EFCAB6: variants seen among roughly 807,000 people sequenced by gnomAD.
EFCAB6 encodes the protein EF-hand calcium binding domain 6.
A neutral mutation model predicts 169.8 loss-of-function variants in EFCAB6; 156 were observed. The observed-to-expected ratio is 0.92, with a 90% CI of 0.81 to 1.05. EFCAB6 has a LOEUF of 1.05. EFCAB6 is among the 50% of genes least tolerant of loss of function. The probability of loss-of-function intolerance (pLI) is 0.00; values close to 1 mark genes in which losing one functional copy is unlikely to be tolerated. For synonymous variants in EFCAB6, 698 were observed against 676.4 expected, an observed-to-expected ratio of 1.03 and a Z score of -0.50; for missense variants, 1,800 against 1,829.1, an observed-to-expected ratio of 0.98 and a Z score of 0.29.
intron 21 of EFCAB6, among the ~76,000 whole-genome samples, chr22:43,613,207 T>C (rs1271212100): frequency 6.7e-6 from 1 of 148,328 alleles, no homozygotes; most frequent in Non-Finnish European, 1.5e-5. Context: ...ATATTTGTTA[T>C]AGAAATATAT....
chr22:43,768,428 T>C (rs181183988), intron 4 of EFCAB6, among the ~76,000 whole-genome samples: 18 of 152,336 alleles, frequency 1.2e-4, no homozygotes, highest in Middle Eastern at 3.4e-3. Flanking sequence ...TAGGCTTACA[T>C]TAACTACTAA....
intron 13 of EFCAB6, among the ~76,000 whole-genome samples, chr22:43,675,180 A>G (rs1187522976): frequency 6.8e-6 from 1 of 146,914 alleles, no homozygotes; most frequent in Non-Finnish European, 1.5e-5. Flanking sequence ...TAGTTAATAT[A>G]TAATATAGCT....
At chr22:43,699,385 G>C (rs1336768473) in intron 10 of EFCAB6, among the ~76,000 whole-genome samples, 1 of 152,098 alleles carries the variant, frequency 6.6e-6, no homozygotes, top group Non-Finnish European at 1.5e-5. Flanking sequence ...TTCAGTAACT[G>C]CTCCCTTTCT....
In EFCAB6 at chr22:43,537,186, C is replaced by A; in HGVS notation, c.4048+191G>T. 1.6e-6 allele frequency: 1 copy of A among 608,088 alleles called. No homozygotes were observed. The highest frequency in any genetic ancestry group is 2.8e-6 in the Non-Finnish European group (1 of 362,320). 37.7% of individuals were successfully genotyped at this position (608,088 alleles called of 1,614,324 possible). On this transcript the variant is annotated intron_variant, in intron 29 of 31. Coordinates refer to ENST00000262726, the MANE Select transcript of EFCAB6 (RefSeq NM_022785.4). The surrounding 1 kb of genome is among the most constrained non-coding windows in gnomAD (Gnocchi z 4.3). ...CAGATGGGCCCCCTGCTGGGAGGGC[C>A]GGGTAGTCGGAATCCTCCTCCATGG...
intron 23 of EFCAB6, among the ~76,000 whole-genome samples, chr22:43,592,611 G>T (rs2051642434): frequency 6.6e-6 from 1 of 152,296 alleles, no homozygotes; most frequent in Middle Eastern, 3.4e-3. Flanking sequence ...AACAGAAACG[G>T]TGTCAGCCGA....
intron 22 of EFCAB6, 128 bp downstream of exon 22, chr22:43,608,354 G>C: frequency 4.0e-6 from 3 of 754,374 alleles, no homozygotes; most frequent in South Asian, 1.8e-5. Context: ...AGATGAGACA[G>C]ATGCAACCAA....
chr22:43,531,599 G>C (rs892240180), intron 30 of EFCAB6, among the ~76,000 whole-genome samples: 1 of 152,186 alleles, frequency 6.6e-6, no homozygotes. Flanking sequence ...GCAACAATGC[G>C]TAACACATCT....
At chr22:43,622,810 T>C (rs773933203) in intron 20 of EFCAB6, among the ~76,000 whole-genome samples, 7 of 152,288 alleles carry the variant, frequency 4.6e-5, no homozygotes, top group Middle Eastern at 3.4e-3. Context: ...GATGAGATAA[T>C]GTTGAAATGA....
chr22:43,584,019 A>G (rs955931114), intron 24 of EFCAB6, among the ~76,000 whole-genome samples: 7 of 152,186 alleles, frequency 4.6e-5, no homozygotes, highest in Admixed American at 3.9e-4. Context: ...TGGATACTGA[A>G]CAATATTTAC....
At chr22:43,618,619 C>A (rs1374523973) in intron 20 of EFCAB6, among the ~76,000 whole-genome samples, 1 of 152,132 alleles carries the variant, frequency 6.6e-6, no homozygotes, top group Non-Finnish European at 1.5e-5. Flanking sequence ...CAAGAGCAGT[C>A]CTAATTCTGG....
intron 27 of EFCAB6, among the ~76,000 whole-genome samples, chr22:43,551,253 T>C (rs549300279): frequency 3.9e-5 from 6 of 152,210 alleles, no homozygotes; most frequent in African/African-American, 2.4e-5. Context: ...AAGTAACTCA[T>C]GCAAGGAGGA....
chr22:43,749,519 T>C (rs1161869586), intron 6 of EFCAB6, among the ~76,000 whole-genome samples: 1 of 152,066 alleles, frequency 6.6e-6, no homozygotes, highest in Non-Finnish European at 1.5e-5. Context: ...ACTAGTTAGA[T>C]GGTTCTCATA....
intron 6 of EFCAB6, among the ~76,000 whole-genome samples, chr22:43,750,623 A>T (rs1266883389): frequency 6.6e-6 from 1 of 152,144 alleles, no homozygotes; most frequent in African/African-American, 2.4e-5. Flanking sequence ...AAATGGCCTC[A>T]TTTTGAGCTT....
At chr22:43,576,217 T>C (rs2050247230) in intron 26 of EFCAB6, 80 bp downstream of exon 26, 1 of 1,260,974 alleles carries the variant, frequency 7.9e-7, no homozygotes, top group Non-Finnish European at 1.1e-6. Context: ...TCTGATATGG[T>C]TCTAATCAAT....
At chr22:43,803,143 T>C (rs1006372416) in intron 2 of EFCAB6, among the ~76,000 whole-genome samples, 4 of 152,200 alleles carry the variant, frequency 2.6e-5, no homozygotes, top group African/African-American at 9.7e-5. Context: ...TAAACCGAGA[T>C]ACCTGTTGGG....
rs766548825 is a variant in EFCAB6, at chr22:43,711,627, C to A, written c.883-4G>T. 6.3e-7 allele frequency: 1 copy of A among 1,576,446 alleles called. No individual in the cohort carries two copies. Among genetic ancestry groups the A allele is most frequent in the East Asian group, 2.3e-5 (1 of 43,428 alleles). On this transcript the variant is annotated splice_region_variant and splice_polypyrimidine_tract_variant and intron_variant, in intron 9 of 31. Coordinates refer to ENST00000262726, the MANE Select transcript of EFCAB6 (RefSeq NM_022785.4). The stretch of plus-strand genomic sequence containing the variant: ...CCTTTTCATAAGACTTCGAAAGCTG[C>A]AATAAATTGAAATTAGAGTGTGGCG...
chr22:43,555,361 C>A (rs2048643498), intron 26 of EFCAB6, among the ~76,000 whole-genome samples: 2 of 152,208 alleles, frequency 1.3e-5, no homozygotes, highest in Admixed American at 1.3e-4. Flanking sequence ...GGGCGGCCAG[C>A]ACAGAGCCCA....
chr22:43,578,551 C>T (rs1221248345), intron 25 of EFCAB6, among the ~76,000 whole-genome samples: 1 of 152,084 alleles, frequency 6.6e-6, no homozygotes, highest in African/African-American at 2.4e-5. Flanking sequence ...GGGAGCACCA[C>T]CTCACCAGGA....
At chr22:43,582,754 A>C (rs1336130638) in intron 24 of EFCAB6, among the ~76,000 whole-genome samples, 1 of 152,156 alleles carries the variant, frequency 6.6e-6, no homozygotes, top group Non-Finnish European at 1.5e-5. Flanking sequence ...GGGGAAAAAA[A>C]CTCAAGAGAG....
Sources: gnomAD v4.1 joint callset for allele counts (sites outside exome capture counted in the v4.1 genomes callset) on GRCh38, gnomAD v4.1.1 for gene constraint, Gnocchi (gnomAD v3.1) non-coding constraint, MANE v1.5 for transcripts, NCBI Gene and HGNC (gene_info 2026-07-23, HGNC 2026-07-21) for gene names.